The following LRMDA variants were observed in gnomAD, a reference collection of about 807,000 sequenced individuals.
The protein encoded by LRMDA is leucine rich melanocyte differentiation associated.
Under a neutral mutation model 29.8 loss-of-function variants are expected in LRMDA, and 18 were observed. That is an observed-to-expected ratio of 0.60 (90% CI 0.42 to 0.90). The LOEUF is 0.90. Among genes scored for constraint, LRMDA ranks in the 40% least tolerant of loss-of-function variants. The pLI, the probability that LRMDA is intolerant of heterozygous loss-of-function variation, is 0.00. For missense variants in LRMDA, 273 were observed against 273.9 expected, an observed-to-expected ratio of 1.00 and a Z score of 0.02; for synonymous variants, 125 against 109.4, an observed-to-expected ratio of 1.14 and a Z score of -0.89.
chr10:75,569,753 G>C (rs1346032606), intron 2 of LRMDA, among the ~76,000 whole-genome samples: 1 of 152,210 alleles, frequency 6.6e-6, no homozygotes, highest in Non-Finnish European at 1.5e-5. Context: ...CAGCTGAAGG[G>C]ATTGGTTTTA....
chr10:75,899,485 A>G (rs10762686), intron 2 of LRMDA, among the ~76,000 whole-genome samples: 116,982 of 152,224 alleles, frequency 0.77, 45,205 homozygotes, highest in East Asian at 0.98. Flanking sequence ...TTAATCCTAG[A>G]GGTACAATGT....
At chr10:76,303,091 T>A (rs985865591) in intron 5 of LRMDA, among the ~76,000 whole-genome samples, 56 of 152,214 alleles carry the variant, frequency 3.7e-4, no homozygotes, top group African/African-American at 1.2e-3. Flanking sequence ...TTTAAGTAGC[T>A]GCAAGCCCCT....
At chr10:75,580,481 G>C (rs1840573692) in intron 2 of LRMDA, among the ~76,000 whole-genome samples, 1 of 152,160 alleles carries the variant, frequency 6.6e-6, no homozygotes. Context: ...TCATGAAAAT[G>C]GCCATACCAC....
chr10:76,379,633 A>T (rs952872648), intron 6 of LRMDA, among the ~76,000 whole-genome samples: 1 of 151,888 alleles, frequency 6.6e-6, no homozygotes, highest in Non-Finnish European at 1.5e-5. Context: ...CTAGCAGTTT[A>T]TCAATTTTGT....
chr10:76,234,060 T>C (rs531482645), intron 5 of LRMDA, among the ~76,000 whole-genome samples: 13 of 152,340 alleles, frequency 8.5e-5, no homozygotes, highest in Non-Finnish European at 1.8e-4. Flanking sequence ...GAGGAATCAC[T>C]ATCTATGGCA....
At chr10:76,035,690 G>A (rs1848229899) in intron 2 of LRMDA, among the ~76,000 whole-genome samples, 1 of 152,226 alleles carries the variant, frequency 6.6e-6, no homozygotes, top group Admixed American at 6.5e-5. Context: ...CTGGGTGCCT[G>A]AAGGCACAAG....
chr10:76,170,552 T>C (rs547538561), intron 5 of LRMDA, among the ~76,000 whole-genome samples: 1 of 152,326 alleles, frequency 6.6e-6, no homozygotes, highest in African/African-American at 2.4e-5. Context: ...CAGTTTCTCA[T>C]ACGTAAAGCA....
intron 5 of LRMDA, among the ~76,000 whole-genome samples, chr10:76,180,169 T>C (rs1851016468): frequency 6.6e-6 from 1 of 151,992 alleles, no homozygotes; most frequent in African/African-American, 2.4e-5. Context: ...GGCTGGGATC[T>C]CTAGTTTTAG....
intron 5 of LRMDA, among the ~76,000 whole-genome samples, chr10:76,112,320 A>G (rs1849593167): frequency 6.6e-6 from 1 of 152,140 alleles, no homozygotes; most frequent in South Asian, 2.1e-4. Context: ...GGAGCAGGGT[A>G]TGGGGCGTCT....
At chr10:75,785,738 A>G (rs1468670757) in intron 2 of LRMDA, among the ~76,000 whole-genome samples, 1 of 152,250 alleles carries the variant, frequency 6.6e-6, no homozygotes, top group Non-Finnish European at 1.5e-5. Flanking sequence ...ATTTATAGCA[A>G]TCTATCAAAA....
At chr10:76,409,060 G>T (rs1010190001) in intron 6 of LRMDA, among the ~76,000 whole-genome samples, 4 of 152,166 alleles carry the variant, frequency 2.6e-5, no homozygotes, top group Non-Finnish European at 5.9e-5. Context: ...AGGCCCTATG[G>T]TTCAGTCTAC....
chr10:75,600,047 C>G (rs1413132004), intron 2 of LRMDA, among the ~76,000 whole-genome samples: 1 of 152,146 alleles, frequency 6.6e-6, no homozygotes, highest in Non-Finnish European at 1.5e-5. Flanking sequence ...ATGGGAAAAC[C>G]AAGGCCTAGG....
At chr10:75,546,372 A>T (rs1329719655) in intron 2 of LRMDA, among the ~76,000 whole-genome samples, 1 of 151,612 alleles carries the variant, frequency 6.6e-6, no homozygotes, top group Non-Finnish European at 1.5e-5. Context: ...ACTATTCATA[A>T]GCTTAAAAAT....
intron 6 of LRMDA, among the ~76,000 whole-genome samples, chr10:76,398,633 C>A (rs1841815446): frequency 6.6e-6 from 1 of 152,188 alleles, no homozygotes; most frequent in Non-Finnish European, 1.5e-5. Context: ...CTTTGAAATG[C>A]TTTTCATTCA....
intron 5 of LRMDA, among the ~76,000 whole-genome samples, chr10:76,185,249 C>T (rs1007181725): frequency 6.6e-6 from 1 of 152,108 alleles, no homozygotes; most frequent in African/African-American, 2.4e-5. Flanking sequence ...TGCTAGAGTT[C>T]ACAAGGCTTC....
chr10:75,664,100 C>T (rs1211167596), intron 2 of LRMDA, among the ~76,000 whole-genome samples: 1 of 152,202 alleles, frequency 6.6e-6, no homozygotes, highest in Non-Finnish European at 1.5e-5. Flanking sequence ...GGTCCAGCCT[C>T]CACTCTAGAA....
At chr10:75,867,884 C>A (rs1367654274) in intron 2 of LRMDA, among the ~76,000 whole-genome samples, 1 of 152,116 alleles carries the variant, frequency 6.6e-6, no homozygotes, top group African/African-American at 2.4e-5. Context: ...TTCAAGTCTG[C>A]TGTAGTGTAA....
chr10:76,131,678 G>T (rs1366460063), intron 5 of LRMDA, among the ~76,000 whole-genome samples: 1 of 150,800 alleles, frequency 6.6e-6, no homozygotes, highest in African/African-American at 2.4e-5. Flanking sequence ...TTTTTTTAAA[G>T]AAAAACCTTT....
chr10:75,544,855 T>G (rs1840059951), intron 2 of LRMDA, among the ~76,000 whole-genome samples: 1 of 152,246 alleles, frequency 6.6e-6, no homozygotes, highest in Non-Finnish European at 1.5e-5. Flanking sequence ...GTAGTGTTAT[T>G]CTCATTTAGT....
Sources: allele counts gnomAD v4.1 joint callset (sites outside exome capture counted in the v4.1 genomes callset), GRCh38; gene constraint gnomAD v4.1.1; transcripts MANE v1.5; gene names NCBI Gene and HGNC (gene_info 2026-07-23, HGNC 2026-07-21).